The following FARP1 variants were observed in gnomAD, a reference collection of about 807,000 sequenced individuals.
FARP1 encodes the protein FERM, ARH/RhoGEF and pleckstrin domain protein 1.
In FARP1, 52 loss-of-function variants were observed where a neutral mutation model predicts 128.8. That is an observed-to-expected ratio of 0.40 (90% CI 0.32 to 0.51). The LOEUF (loss-of-function observed/expected upper bound fraction) is 0.51, where lower values mean the gene tolerates loss of function less well. FARP1 is among the 20% of genes least tolerant of loss of function. FARP1 has a pLI of 0.45. For missense variants in FARP1, 1,333 were observed against 1,367.9 expected, an observed-to-expected ratio of 0.97 and a Z score of 0.40; for synonymous variants, 580 against 551.8, an observed-to-expected ratio of 1.05 and a Z score of -0.72.
chr13:98,443,337 C>T (rs1229874138), intron 24 of FARP1, among the ~76,000 whole-genome samples: 3 of 152,204 alleles, frequency 2.0e-5, no homozygotes, highest in African/African-American at 7.2e-5. Flanking sequence ...GCTGCTCTAT[C>T]ACTTTGCAGA....
intron 1 of FARP1, among the ~76,000 whole-genome samples, chr13:98,159,305 C>G (rs1470118523): frequency 6.6e-6 from 1 of 152,104 alleles, no homozygotes; most frequent in Non-Finnish European, 1.5e-5. Flanking sequence ...GTATTATGCC[C>G]AATGTCACAC....
intron 1 of FARP1, among the ~76,000 whole-genome samples, chr13:98,144,947 G>A (rs576881078): frequency 6.6e-6 from 1 of 152,318 alleles, no homozygotes; most frequent in South Asian, 2.1e-4. Flanking sequence ...AGTGGGTACA[G>A]CTAGCACATG....
intron 1 of FARP1, among the ~76,000 whole-genome samples, chr13:98,144,172 G>C (rs1449225960): frequency 6.6e-6 from 1 of 152,116 alleles, no homozygotes; most frequent in Non-Finnish European, 1.5e-5. Flanking sequence ...GGAAACTTTA[G>C]CTGTGTGATC....
At chr13:98,403,497 G>T (rs1470209613) in intron 13 of FARP1, 5 of 152,314 alleles carry the variant, frequency 3.3e-5, no homozygotes, top group African/African-American at 1.2e-4. Context: ...ATCTGTAAGA[G>T]AATTTAGCTT....
chr13:98,213,046 T>C (rs1302477422), intron 1 of FARP1, among the ~76,000 whole-genome samples, 174 bp from the exon 2 acceptor site: 2 of 152,206 alleles, frequency 1.3e-5, no homozygotes, highest in Non-Finnish European at 2.9e-5. Flanking sequence ...AAAAAGTATT[T>C]GCATGCCTTG....
Position 98,257,277 on chromosome 13 carries a change from G to C in FARP1, c.171+43864G>C, listed in dbSNP as rs529804850. Reference sequence around the variant, plus strand: ...ATCTGGTACGATGGAAATGTGTTCTGGAAGCTTTTGGACCTGGTAGGATTT... The same window carrying C: ...ATCTGGTACGATGGAAATGTGTTCTCGAAGCTTTTGGACCTGGTAGGATTT... On this transcript the variant is annotated intron_variant, in intron 2 of 26. Coordinates refer to ENST00000319562, the MANE Select transcript of FARP1 (RefSeq NM_005766.4). 9.2e-5 allele frequency among the ~76,000 whole-genome samples: 14 copies of C among 152,150 alleles called. 1 individual carries two copies. In the East Asian group the frequency reaches 2.7e-3, roughly 29 times the overall value.
intron 2 of FARP1, chr13:98,332,806 A>G (rs1887567988): frequency 6.6e-6 from 1 of 152,230 alleles, no homozygotes; most frequent in African/African-American, 2.4e-5. Flanking sequence ...TTCAGAGACA[A>G]GGTTGAAGAA....
chr13:98,333,243 A>G (rs1436108824), intron 2 of FARP1: 2 of 152,162 alleles, frequency 1.3e-5, no homozygotes, highest in Non-Finnish European at 2.9e-5. Context: ...TGTCAAGATG[A>G]TTTTTTAATT....
chr13:98,372,106 C>T (rs1421682946), intron 5 of FARP1, among the ~76,000 whole-genome samples: 8 of 60,002 alleles, frequency 1.3e-4, no homozygotes, highest in African/African-American at 1.9e-4. Flanking sequence ...TTTTTTTTGG[C>T]GATGGAGTCT....
At chr13:98,332,085 C>T (rs79655409) in intron 2 of FARP1, among the ~76,000 whole-genome samples, 4,725 of 151,944 alleles carry the variant, frequency 0.031, 258 homozygotes, top group African/African-American at 0.11. Context: ...ATATACGTAA[C>T]ATAACTTTAC....
At chr13:98,300,447 G>A (rs182937043) in intron 2 of FARP1, among the ~76,000 whole-genome samples, 1 of 152,238 alleles carries the variant, frequency 6.6e-6, no homozygotes, top group East Asian at 1.9e-4. Flanking sequence ...AGCCCTCTTG[G>A]TTTGGTACCC....
At chr13:98,202,055 TC>T (rs779473850) in intron 1 of FARP1, among the ~76,000 whole-genome samples, 1 of 152,214 alleles carries the variant, frequency 6.6e-6, no homozygotes, top group Non-Finnish European at 1.5e-5. Flanking sequence ...TTTTGAACTT[TC>T]TCAAAACCCC....
At chr13:98,174,436 G>T (rs1200190149) in intron 1 of FARP1, among the ~76,000 whole-genome samples, 2 of 152,160 alleles carry the variant, frequency 1.3e-5, no homozygotes, top group Non-Finnish European at 2.9e-5. Context: ...TAGAGTTTCT[G>T]CTTCGGAGTG....
At chr13:98,143,721 G>C (rs1287334966) in intron 1 of FARP1, among the ~76,000 whole-genome samples, 2 of 149,292 alleles carry the variant, frequency 1.3e-5, no homozygotes, top group Admixed American at 1.3e-4. Context: ...GGGGCTCCGG[G>C]CTGCCCCCTG....
intron 1 of FARP1, among the ~76,000 whole-genome samples, chr13:98,205,252 C>T (rs1880195852): frequency 6.6e-6 from 1 of 152,076 alleles, no homozygotes; most frequent in Non-Finnish European, 1.5e-5. Flanking sequence ...TTATTATGCA[C>T]AAGTATCTTT....
chr13:98,282,436 A>G (rs1884979027), intron 2 of FARP1, among the ~76,000 whole-genome samples: 1 of 152,226 alleles, frequency 6.6e-6, no homozygotes, highest in Non-Finnish European at 1.5e-5. Context: ...CTCTGACTCT[A>G]CAAAAGTAAA....
At chr13:98,336,430 C>T (rs978451563) in intron 2 of FARP1, among the ~76,000 whole-genome samples, 2 of 152,054 alleles carry the variant, frequency 1.3e-5, no homozygotes, top group Non-Finnish European at 2.9e-5. Flanking sequence ...CCACCACGCC[C>T]AGATAATTTT....
At position 98,349,230 on chromosome 13, in the gene FARP1, A is replaced by G. The variant is rs111375317; in HGVS notation, c.276+5364A>G. On this transcript the variant is annotated intron_variant, in intron 3 of 26. Coordinates refer to ENST00000319562, the MANE Select transcript of FARP1 (RefSeq NM_005766.4). ...AATGAGAGGAATAAATGACCATTTTACAAGGTTATTATGAGGGCTAATCAG... is the reference window on the plus strand; with the variant it reads ...AATGAGAGGAATAAATGACCATTTTGCAAGGTTATTATGAGGGCTAATCAG... Among the ~76,000 whole-genome samples the G allele has an allele frequency of 3.0e-3, 455 of 152,310 alleles. 6 individuals carry two copies. The highest frequency in any genetic ancestry group is 0.011 in the African/African-American group (437 of 41,556).
chr13:98,444,794 T>A, intron 24 of FARP1, among the ~76,000 whole-genome samples: 1 of 152,174 alleles, frequency 6.6e-6, no homozygotes, highest in Non-Finnish European at 1.5e-5. Context: ...GAAAATTATG[T>A]GAGTCAGTAT....
Sources: gnomAD v4.1 joint callset for allele counts (sites outside exome capture counted in the v4.1 genomes callset) on GRCh38, gnomAD v4.1.1 for gene constraint, MANE v1.5 for transcripts, NCBI Gene and HGNC (gene_info 2026-07-23, HGNC 2026-07-21) for gene names.